The following CDK5RAP2 variants were observed in gnomAD, a reference collection of about 807,000 sequenced individuals.
CDK5RAP2 encodes the protein CDK5 regulatory subunit-associated protein 2.
Under a neutral mutation model 232.9 loss-of-function variants are expected in CDK5RAP2, and 147 were observed. That is an observed-to-expected ratio of 0.63 (90% CI 0.55 to 0.72). The LOEUF (loss-of-function observed/expected upper bound fraction) is 0.72. Ranked by LOEUF, CDK5RAP2 falls within the 30% of genes least tolerant of loss-of-function variation. The pLI is 0.00. For missense variants in CDK5RAP2, 2,195 were observed against 2,231.5 expected (o/e 0.98, Z 0.33); for synonymous variants, 833 against 833.7 (o/e 1.00, Z 0.01).
intron 12 of CDK5RAP2, among the ~76,000 whole-genome samples, chr9:120,497,468 A>G (rs1241124728): frequency 7.0e-6 from 1 of 142,298 alleles, no homozygotes; most frequent in Non-Finnish European, 1.5e-5. Context: ...TCATCAATGG[A>G]TGCTAGAATT....
chr9:120,578,148 T>A (rs1258572962), intron 1 of CDK5RAP2, among the ~76,000 whole-genome samples: 2 of 151,956 alleles, frequency 1.3e-5, no homozygotes, highest in Non-Finnish European at 2.9e-5. Flanking sequence ...ACTCCTGTAA[T>A]CCCAGCTACT....
At chr9:120,503,472 G>A (rs184486267) in intron 12 of CDK5RAP2, among the ~76,000 whole-genome samples, 76 of 152,298 alleles carry the variant, frequency 5.0e-4, no homozygotes, top group African/African-American at 1.8e-3. Context: ...GAGGCATGGA[G>A]ATGGCATGTC....
At chr9:120,511,477 C>T (rs114136695) in intron 12 of CDK5RAP2, among the ~76,000 whole-genome samples, 2,387 of 152,284 alleles carry the variant, frequency 0.016, 63 homozygotes, top group African/African-American at 0.054. Context: ...GATCTGGCCC[C>T]ATGCAGAATT....
chr9:120,542,724 T>C (rs1022525814), intron 5 of CDK5RAP2, among the ~76,000 whole-genome samples: 1 of 152,198 alleles, frequency 6.6e-6, no homozygotes, highest in Non-Finnish European at 1.5e-5. Flanking sequence ...TGGCCTATAG[T>C]CTCTCCTCTG....
chr9:120,518,202 TGTGTGTGTGAGA>T (rs1211522512), intron 12 of CDK5RAP2, among the ~76,000 whole-genome samples: 4 of 108,226 alleles, frequency 3.7e-5, no homozygotes, highest in Non-Finnish European at 5.5e-5. Context: ...TGTGTGTGTG[TGTGTGTGTGAGA>T]GAGAGAGAGA....
At chr9:120,407,718 A>AC (rs1358435403) in intron 31 of CDK5RAP2, 1 of 163,128 alleles carries the variant, frequency 6.1e-6, no homozygotes, top group Non-Finnish European at 1.3e-5. Context: ...AAATAAAAAA[A>AC]AAAAAAAAAC....
chr9:120,474,657 A>G (rs900940371), intron 15 of CDK5RAP2, among the ~76,000 whole-genome samples: 2 of 152,230 alleles, frequency 1.3e-5, no homozygotes, highest in African/African-American at 4.8e-5. Flanking sequence ...GTGTCTTAGA[A>G]TGCACATTTC....
intron 11 of CDK5RAP2, among the ~76,000 whole-genome samples, chr9:120,521,619 T>C (rs1277640261): frequency 1.3e-5 from 2 of 151,926 alleles, no homozygotes; most frequent in Non-Finnish European, 2.9e-5. Context: ...CCATAAAGAA[T>C]TGTGAGTCCA....
At chr9:120,546,988 T>TA in intron 4 of CDK5RAP2, among the ~76,000 whole-genome samples, 1 of 5,742 alleles carries the variant, frequency 1.7e-4, no homozygotes, top group East Asian at 2.2e-3. Flanking sequence ...TGTTTTTTCG[T>TA]TTTTTTTGTT....
intron 14 of CDK5RAP2, among the ~76,000 whole-genome samples, chr9:120,481,502 CTTTT>C (rs544616509): frequency 6.0e-5 from 8 of 133,778 alleles, no homozygotes; most frequent in African/African-American, 8.3e-5. Flanking sequence ...ATATTGTTTT[CTTTT>C]TTTTTTTTTT....
intron 2 of CDK5RAP2, 200 bp downstream of exon 2, chr9:120,571,774 G>A: frequency 4.9e-6 from 3 of 611,368 alleles, no homozygotes; most frequent in Non-Finnish European, 8.9e-6. Context: ...ATGGCCAAAA[G>A]GACAACAATT....
intron 1 of CDK5RAP2, among the ~76,000 whole-genome samples, chr9:120,576,587 A>T (rs1370336263): frequency 1.3e-5 from 2 of 152,150 alleles, no homozygotes; most frequent in Non-Finnish European, 2.9e-5. Context: ...CTGTAGTCCC[A>T]GCTACTTGGG....
intron 31 of CDK5RAP2, chr9:120,407,908 T>C (rs954521561): frequency 4.0e-5 from 11 of 278,264 alleles, no homozygotes; most frequent in South Asian, 2.3e-4. Flanking sequence ...AAGTAACATA[T>C]ACTAGCAGGA....
intron 24 of CDK5RAP2, among the ~76,000 whole-genome samples, chr9:120,438,644 T>C (rs989193861): frequency 6.6e-6 from 1 of 152,176 alleles, no homozygotes; most frequent in East Asian, 1.9e-4. Flanking sequence ...TACCTCCTTC[T>C]CAGGTGATTT....
chr9:120,394,708 A>AG (rs747259961), intron 35 of CDK5RAP2, 70 bp from the exon 36 acceptor site: 140 of 1,256,450 alleles, frequency 1.1e-4, no homozygotes, highest in Non-Finnish European at 1.3e-4. Flanking sequence ...AGAATTACAA[A>AG]GCCATATAAA....
At chr9:120,446,845 G>A (rs893481048) in intron 22 of CDK5RAP2, among the ~76,000 whole-genome samples, 1 of 152,128 alleles carries the variant, frequency 6.6e-6, no homozygotes, top group Non-Finnish European at 1.5e-5. Context: ...TCACCATGGA[G>A]GCTCTCTAGC....
At chr9:120,448,754 T>C (rs1484104826) in intron 21 of CDK5RAP2, among the ~76,000 whole-genome samples, 3 of 152,182 alleles carry the variant, frequency 2.0e-5, no homozygotes, top group South Asian at 2.1e-4. Context: ...ACCATGGCAA[T>C]GATTTTTAAG....
intron 25 of CDK5RAP2, among the ~76,000 whole-genome samples, chr9:120,435,636 A>G (rs1564211362): frequency 6.6e-6 from 1 of 152,176 alleles, no homozygotes. Context: ...TCAGGGCAGA[A>G]GCAGTACAGG....
intron 18 of CDK5RAP2, among the ~76,000 whole-genome samples, chr9:120,461,775 C>T (rs529190430): frequency 1.9e-4 from 29 of 152,128 alleles, no homozygotes; most frequent in South Asian, 1.2e-3. Flanking sequence ...CCAGGGAGGT[C>T]GAGGCTGCAG....
Sources: gnomAD v4.1 joint callset for allele counts (sites outside exome capture counted in the v4.1 genomes callset) on GRCh38, gnomAD v4.1.1 for gene constraint, MANE v1.5 for transcripts, NCBI Gene and HGNC (gene_info 2026-07-23, HGNC 2026-07-21) for gene names.